PLEKHF2: variants seen among roughly 807,000 people sequenced by gnomAD.
The protein encoded by PLEKHF2 is pleckstrin homology and FYVE domain containing 2.
In PLEKHF2, 4 loss-of-function variants were observed where a neutral mutation model predicts 14.7. That is an observed-to-expected ratio of 0.27 (90% CI 0.13 to 0.62). PLEKHF2 has a LOEUF of 0.62. PLEKHF2 is among the 20% of genes least tolerant of loss of function. The pLI, the probability that PLEKHF2 is intolerant of heterozygous loss-of-function variation, is 0.85. For synonymous variants in PLEKHF2, 90 were observed against 103.5 expected, an observed-to-expected ratio of 0.87 and a Z score of 0.79; for missense variants, 201 against 307.7, an observed-to-expected ratio of 0.65 and a Z score of 2.60.
rs1810609380 is a variant in PLEKHF2, at chr8:95,155,536, CAAAT to C, written c.*744_*747del. Reference sequence around the variant, plus strand: ...TATATAGGTCCCAAATTATAATTGTCAAATATATATTTTAAATTAATAAAAGTTG... The same window carrying C: ...TATATAGGTCCCAAATTATAATTGTCATATATTTTAAATTAATAAAAGTTG... On this transcript the variant is annotated 3_prime_UTR_variant, in exon 2 of 2. Transcript: ENST00000315367. The C allele has an allele frequency of 6.0e-6, 1 of 166,822 alleles. No individual in the cohort carries two copies. The highest frequency in any genetic ancestry group is 2.4e-5 in the African/African-American group (1 of 41,366). 10.3% of individuals were successfully genotyped at this position (166,822 alleles called of 1,614,324 possible). A position where few individuals can be genotyped will look rare whatever the true frequency, so the allele number is the denominator to read the frequency against.
rs550495503 is a variant in PLEKHF2, at chr8:95,154,523, G to A, written c.479G>A (p.Arg160His). 6 of 1,614,158 alleles carry A rather than the reference G, an allele frequency of 3.7e-6. No homozygotes were observed. Among genetic ancestry groups the A allele is most frequent in the Middle Eastern group, 1.6e-4 (1 of 6,062 alleles). ...VPDSEATVCMRCQKAKFTPVN... is the reference protein window; with the variant it reads ...VPDSEATVCMHCQKAKFTPVN... Reference sequence around the variant, plus strand: ...GACTCTGAGGCAACTGTATGTATGCGTTGTCAGAAAGCAAAATTCACACCT... The same window carrying A: ...GACTCTGAGGCAACTGTATGTATGCATTGTCAGAAAGCAAAATTCACACCT... The change falls in exon 2 of 2, where the codon CGT (arginine) becomes CAT (histidine). Residue 160 changes from arginine (R) to histidine (H), a missense_variant. Arg to His is a conservative substitution (Grantham distance 29, BLOSUM62 0). Transcript: ENST00000315367. This position sits in a 1 kb window ranked among gnomAD's most constrained non-coding sequence, Gnocchi z 5.6.
intron 1 of PLEKHF2, among the ~76,000 whole-genome samples, chr8:95,150,465 A>G (rs1050371832): frequency 2.0e-5 from 3 of 152,160 alleles, no homozygotes; most frequent in Non-Finnish European, 2.9e-5. Flanking sequence ...TAATTATACG[A>G]GTGTTTGTAA....
intron 1 of PLEKHF2, among the ~76,000 whole-genome samples, chr8:95,153,545 G>A (rs1040237481): frequency 1.3e-5 from 2 of 152,180 alleles, no homozygotes; most frequent in African/African-American, 4.8e-5. Context: ...TGAAGGCCAG[G>A]ACACATGTTG....
At position 95,156,274 on chromosome 8, in the gene PLEKHF2, A is replaced by C. The variant is rs895086884; in HGVS notation, c.*1480A>C. 1 of 167,060 alleles carries C rather than the reference A, an allele frequency of 6.0e-6. No individual in the cohort carries two copies. Among genetic ancestry groups the C allele is most frequent in the Non-Finnish European group, 1.5e-5 (1 of 68,106 alleles). The allele number at this position is 167,060 out of a possible 1,614,324, so 10.3% of individuals were successfully genotyped here. The stretch of plus-strand genomic sequence containing the variant: ...TGAATATACCGCAAATGTCATGAGA[A>C]GTTTGATTCAGTAACTTGTGATGGA... On this transcript the variant is annotated 3_prime_UTR_variant, in exon 2 of 2. Coordinates refer to ENST00000315367, the MANE Select transcript of PLEKHF2 (RefSeq NM_024613.4).
At chr8:95,135,357 C>T (rs941507451) in intron 1 of PLEKHF2, among the ~76,000 whole-genome samples, 3 of 152,170 alleles carry the variant, frequency 2.0e-5, no homozygotes, top group Admixed American at 6.5e-5. Flanking sequence ...ACAGCTTCTG[C>T]TCATATTTGA....
intron 1 of PLEKHF2, among the ~76,000 whole-genome samples, chr8:95,135,016 A>T (rs938008517): frequency 3.3e-5 from 5 of 152,102 alleles, no homozygotes; most frequent in Non-Finnish European, 2.9e-5. Context: ...TACTTTTTTT[A>T]AATACTCTGG....
At chr8:95,137,215 G>A (rs938451258) in intron 1 of PLEKHF2, among the ~76,000 whole-genome samples, 13 of 152,206 alleles carry the variant, frequency 8.5e-5, no homozygotes, top group African/African-American at 3.1e-4. Context: ...CAGTGTTAGC[G>A]TGAGGGTCAC....
Position 95,133,900 on chromosome 8 carries a change from G to T in PLEKHF2, c.-145G>T, listed in dbSNP as rs984098134. The T allele has an allele frequency of 1.3e-5, 2 of 152,194 alleles. No homozygotes were observed. Among genetic ancestry groups the T allele is most frequent in the South Asian group, 2.1e-4 (1 of 4,866 alleles). The allele number at this position is 152,194 out of a possible 1,614,324, so 9.4% of individuals were successfully genotyped here. On this transcript the variant is annotated 5_prime_UTR_variant, in exon 1 of 2. Transcript: ENST00000315367. ...CGCGTCTGGATCGCGCCGGCTGCGCGGGGCTGCGGACAGCACACACCCTGG... is the reference window on the plus strand; with the variant it reads ...CGCGTCTGGATCGCGCCGGCTGCGCTGGGCTGCGGACAGCACACACCCTGG...
rs1378979654 is a variant in PLEKHF2 at position 95,150,930 on chromosome 8, G to A, written c.-14-3101G>A. Reference sequence around the variant, plus strand: ...CAAGTTATTTAACCCCTCTTTGGCTGTTTACTCATCCATAAAATGGAGCTA... The same window carrying A: ...CAAGTTATTTAACCCCTCTTTGGCTATTTACTCATCCATAAAATGGAGCTA... On this transcript the variant is annotated intron_variant, in intron 1 of 1. Transcript: ENST00000315367. Among the ~76,000 whole-genome samples, 6 of 152,192 alleles carry A rather than the reference G, an allele frequency of 3.9e-5. No homozygotes were observed. In the East Asian group the frequency reaches 1.2e-3, roughly 29 times the overall value.
At chr8:95,152,914 A>G (rs1382806164) in intron 1 of PLEKHF2, among the ~76,000 whole-genome samples, 1 of 152,172 alleles carries the variant, frequency 6.6e-6, no homozygotes, top group Non-Finnish European at 1.5e-5. Flanking sequence ...ACTTGGTTAT[A>G]GTATAGTAGT....
intron 1 of PLEKHF2, among the ~76,000 whole-genome samples, chr8:95,138,555 G>A (rs1385781190): frequency 3.0e-5 from 4 of 134,592 alleles, no homozygotes; most frequent in Non-Finnish European, 6.1e-5. Context: ...CAAACTAAAA[G>A]GCTTTGTCTA....
In PLEKHF2 at chr8:95,154,134, T is replaced by G. The variant is rs1361037310; in HGVS notation, c.90T>G (p.Thr30=). ...TTGGAGCAGCTGGTCAACCTTTAAC[T>G]ATACCTGGACGAGTTCTTATTGGAG... The part of the protein sequence containing the change: ...NCFGAAGQPL[T]IPGRVLIGEG... Residue 30 remains threonine (T), a synonymous_variant, in exon 2 of 2, where the codon ACT becomes ACG. Coordinates refer to ENST00000315367, the MANE Select transcript of PLEKHF2 (RefSeq NM_024613.4). The surrounding 1 kb of genome is among the most constrained non-coding windows in gnomAD (Gnocchi z 5.6). 12 of 1,613,934 alleles carry G rather than the reference T, an allele frequency of 7.4e-6. No homozygotes were observed. The highest frequency in any genetic ancestry group is 2.7e-5 in the African/African-American group (2 of 74,896).
intron 1 of PLEKHF2, chr8:95,134,296 ACGC>A: frequency 2.1e-5 from 3 of 144,988 alleles, no homozygotes; most frequent in South Asian, 2.0e-4. Context: ...CGCCCGTAGG[ACGC>A]CGCCGCCGCC....
At chr8:95,137,987 A>G (rs1810394392) in intron 1 of PLEKHF2, among the ~76,000 whole-genome samples, 1 of 152,038 alleles carries the variant, frequency 6.6e-6, no homozygotes, top group African/African-American at 2.4e-5. Context: ...CCCTCTTTTC[A>G]ACCTTGAACT....
At chr8:95,138,772 T>C (rs915955368) in intron 1 of PLEKHF2, among the ~76,000 whole-genome samples, 5 of 152,208 alleles carry the variant, frequency 3.3e-5, no homozygotes, top group Non-Finnish European at 7.4e-5. Flanking sequence ...TCTAAAAAAC[T>C]GCCTAAAAAT....
chr8:95,136,333 TACACACACACACACACACAC>T (rs34457137), intron 1 of PLEKHF2, among the ~76,000 whole-genome samples: 1 of 123,934 alleles, frequency 8.1e-6, no homozygotes, highest in East Asian at 2.0e-4. Context: ...TTATTATATA[TACACACACACACACACACAC>T]ACACACACAC....
At chr8:95,136,427 G>T (rs965159790) in intron 1 of PLEKHF2, among the ~76,000 whole-genome samples, 2 of 151,418 alleles carry the variant, frequency 1.3e-5, no homozygotes, top group Non-Finnish European at 2.9e-5. Flanking sequence ...GTGAATTTTC[G>T]CCTGGGGGTA....
At chr8:95,151,192 A>G (rs1463216539) in intron 1 of PLEKHF2, among the ~76,000 whole-genome samples, 1 of 152,144 alleles carries the variant, frequency 6.6e-6, no homozygotes, top group Non-Finnish European at 1.5e-5. Flanking sequence ...GGCATTTCAA[A>G]CAGTTCAAAT....
intron 1 of PLEKHF2, among the ~76,000 whole-genome samples, chr8:95,137,654 G>A (rs150950072): frequency 2.8e-4 from 42 of 152,374 alleles, no homozygotes; most frequent in Middle Eastern, 3.4e-3. Flanking sequence ...GGCTAGAAAG[G>A]ATGTATTAAA....
Sources: allele counts gnomAD v4.1 joint callset (sites outside exome capture counted in the v4.1 genomes callset), GRCh38; gene constraint gnomAD v4.1.1; non-coding constraint Gnocchi (gnomAD v3.1); transcripts MANE v1.5; gene names NCBI Gene and HGNC (gene_info 2026-07-23, HGNC 2026-07-21).